The following CRACDL variants were observed in gnomAD, a reference collection of about 807,000 sequenced individuals.
CRACDL encodes CRACD-like protein.
Under a neutral mutation model 70.6 loss-of-function variants are expected in CRACDL, and 26 were observed. The ratio of observed to expected loss-of-function variants is 0.37; its 90% CI spans 0.27 to 0.51. The LOEUF (loss-of-function observed/expected upper bound fraction) is 0.51, where lower values mean the gene tolerates loss of function less well. Ranked by LOEUF, CRACDL falls within the 20% of genes least tolerant of loss-of-function variation. The pLI, the probability that CRACDL is intolerant of heterozygous loss-of-function variation, is 0.94. For synonymous variants in CRACDL, 618 were observed against 615.2 expected, an observed-to-expected ratio of 1.00 and a Z score of -0.07; for missense variants, 1,283 against 1,376.9, an observed-to-expected ratio of 0.93 and a Z score of 1.08.
chr2:98,829,997 G>A (rs1015404774), intron 5 of CRACDL, among the ~76,000 whole-genome samples: 3 of 152,218 alleles, frequency 2.0e-5, no homozygotes, highest in African/African-American at 4.8e-5. Context: ...GCCTCCCTCC[G>A]GAGCTGTGGG....
intron 1 of CRACDL, among the ~76,000 whole-genome samples, chr2:98,880,404 G>T (rs1030726535): frequency 6.6e-6 from 1 of 152,208 alleles, no homozygotes; most frequent in Non-Finnish European, 1.5e-5. Context: ...TACTCCTTAA[G>T]CAGTAGCTGA....
At chr2:98,923,221 A>G (rs1222536656) in intron 1 of CRACDL, among the ~76,000 whole-genome samples, 3 of 151,568 alleles carry the variant, frequency 2.0e-5, no homozygotes, top group Non-Finnish European at 4.4e-5. Flanking sequence ...CAGTGAGCCG[A>G]GATCATGACA....
intron 1 of CRACDL, among the ~76,000 whole-genome samples, chr2:98,866,096 GA>G (rs1461748228): frequency 6.6e-6 from 1 of 152,062 alleles, no homozygotes; most frequent in Non-Finnish European, 1.5e-5. Flanking sequence ...ACATATAAGA[GA>G]AAAGAAAGCA....
intron 8 of CRACDL, among the ~76,000 whole-genome samples, chr2:98,796,890 G>A (rs751106673): frequency 2.0e-5 from 3 of 152,226 alleles, no homozygotes; most frequent in Non-Finnish European, 2.9e-5. Context: ...AGCCCCAGGT[G>A]AGGAATGAGG....
At chr2:98,847,329 G>T (rs551016744) in intron 1 of CRACDL, among the ~76,000 whole-genome samples, 3 of 152,006 alleles carry the variant, frequency 2.0e-5, no homozygotes, top group Non-Finnish European at 4.4e-5. Context: ...AATTATTCAC[G>T]TGTTATTTTA....
Position 98,794,302 on chromosome 2 carries a change from T to C in CRACDL, c.*230A>G, listed in dbSNP as rs1703711139. The C allele has an allele frequency of 4.6e-6, 2 of 433,594 alleles. No individual in the cohort carries two copies. The highest frequency in any genetic ancestry group is 2.0e-5 in the African/African-American group (1 of 49,946). The allele number at this position is 433,594 out of a possible 1,614,324, so 26.9% of individuals were successfully genotyped here. ...CGTACCTTTGGGCACAGGAACTGGT[T>C]CCTGGACTTTTTCAATGTTGTTCTT... On this transcript the variant is annotated 3_prime_UTR_variant, in exon 10 of 10. Transcript: ENST00000397899.
intron 1 of CRACDL, among the ~76,000 whole-genome samples, chr2:98,852,987 G>A (rs1318094074): frequency 1.9e-5 from 2 of 105,472 alleles, no homozygotes; most frequent in East Asian, 3.0e-4. Context: ...GAGAGAGAGA[G>A]AGAGGGAGGA....
chr2:98,926,693 A>C (rs1708916335), intron 1 of CRACDL, among the ~76,000 whole-genome samples: 1 of 152,248 alleles, frequency 6.6e-6, no homozygotes, highest in Non-Finnish European at 1.5e-5. Context: ...GTAAGTATGC[A>C]CAAAGGCCTG....
At chr2:98,881,350 A>G (rs62156504) in intron 1 of CRACDL, among the ~76,000 whole-genome samples, 11 of 152,166 alleles carry the variant, frequency 7.2e-5, no homozygotes, top group Non-Finnish European at 1.5e-4. Context: ...GGGGAATCTG[A>G]ATCTGCACTT....
intron 1 of CRACDL, among the ~76,000 whole-genome samples, chr2:98,887,427 G>A (rs1707828969): frequency 6.6e-6 from 1 of 152,070 alleles, no homozygotes; most frequent in African/African-American, 2.4e-5. Context: ...GGTCAAGGCT[G>A]CAATGAGCCA....
intron 1 of CRACDL, among the ~76,000 whole-genome samples, chr2:98,900,466 G>A (rs1026929507): frequency 6.6e-6 from 1 of 151,932 alleles, no homozygotes; most frequent in Admixed American, 6.6e-5. Context: ...GCAGAGGCAG[G>A]CCACAAAACC....
At chr2:98,851,419 C>G (rs1365251023) in intron 1 of CRACDL, among the ~76,000 whole-genome samples, 1 of 152,106 alleles carries the variant, frequency 6.6e-6, no homozygotes, top group African/African-American at 2.4e-5. Flanking sequence ...GTAGAGAGAC[C>G]CAGAAAGAGT....
chr2:98,862,505 A>G (rs12611969), intron 1 of CRACDL, among the ~76,000 whole-genome samples: 7,248 of 152,296 alleles, frequency 0.048, 319 homozygotes, highest in South Asian at 0.17. Flanking sequence ...CTATCTTAAA[A>G]ATGTTCACCA....
intron 7 of CRACDL, among the ~76,000 whole-genome samples, chr2:98,804,492 G>A (rs1704208104): frequency 6.6e-6 from 1 of 152,202 alleles, no homozygotes; most frequent in African/African-American, 2.4e-5. Context: ...CTGAGGTCAA[G>A]CAGTGATGCG....
chr2:98,879,913 G>C (rs1348854038), intron 1 of CRACDL, among the ~76,000 whole-genome samples: 1 of 152,160 alleles, frequency 6.6e-6, no homozygotes, highest in East Asian at 1.9e-4. Flanking sequence ...TATTTCCATG[G>C]GGGTGGACAC....
At chr2:98,896,017 C>T (rs1380113618) in intron 1 of CRACDL, among the ~76,000 whole-genome samples, 1 of 152,188 alleles carries the variant, frequency 6.6e-6, no homozygotes, top group East Asian at 1.9e-4. Context: ...TTCCGGCCTC[C>T]AGGACTGTGA....
chr2:98,927,965 G>A (rs1317017245), intron 1 of CRACDL, among the ~76,000 whole-genome samples: 1 of 152,124 alleles, frequency 6.6e-6, no homozygotes, highest in Non-Finnish European at 1.5e-5. Context: ...TGGATCACTT[G>A]AGGTCAGGAG....
In CRACDL at chr2:98,921,725, C is replaced by G. The variant is rs191361507; in HGVS notation, c.-11+14213G>C. Among the ~76,000 whole-genome samples the G allele has an allele frequency of 8.5e-5, 13 of 152,314 alleles. No individual in the cohort carries two copies. The East Asian group carries it at 2.5e-3, about 29-fold the overall frequency. On this transcript the variant is annotated intron_variant, in intron 1 of 9. Coordinates refer to ENST00000397899, the MANE Select transcript of CRACDL (RefSeq NM_207362.3). ...GAGACGTGCTCAGAAGCCAGGGCTG[C>G]TTGACTCACAGAACAGCCTCTGTCT... is the stretch of plus-strand genomic sequence containing the variant.
At chr2:98,896,202 A>G (rs113115471) in intron 1 of CRACDL, among the ~76,000 whole-genome samples, 1,677 of 152,228 alleles carry the variant, frequency 0.011, 30 homozygotes, top group African/African-American at 0.038. Context: ...GGAAGTGAGG[A>G]GAAGACACGG....
Sources: allele counts gnomAD v4.1 joint callset (sites outside exome capture counted in the v4.1 genomes callset), GRCh38; gene constraint gnomAD v4.1.1; transcripts MANE v1.5; gene names NCBI Gene and HGNC (gene_info 2026-07-23, HGNC 2026-07-21).